SLC25A21: variants seen among roughly 807,000 people sequenced by gnomAD.
SLC25A21 encodes solute carrier family 25 member 21.
A neutral mutation model predicts 43.8 loss-of-function variants in SLC25A21; 47 were observed. The ratio of observed to expected loss-of-function variants is 1.07; its 90% confidence interval spans 0.85 to 1.37. The LOEUF (loss-of-function observed/expected upper bound fraction) is 1.37, where lower values mean the gene tolerates loss of function less well. Ranked by LOEUF, SLC25A21 falls within the 40% of genes most tolerant of loss-of-function variation. The probability of loss-of-function intolerance (pLI) is 0.00; values close to 1 mark genes in which losing one functional copy is unlikely to be tolerated. For missense variants in SLC25A21, 352 were observed against 350.2 expected (o/e 1.00, Z -0.04); for synonymous variants, 131 against 121.3 (o/e 1.08, Z -0.52).
At chr14:36,839,464 C>A (rs893445263) in intron 2 of SLC25A21, among the ~76,000 whole-genome samples, 1 of 152,214 alleles carries the variant, frequency 6.6e-6, no homozygotes, top group African/African-American at 2.4e-5. Flanking sequence ...AATTAACTTT[C>A]CTATAGTTCG....
intron 1 of SLC25A21, among the ~76,000 whole-genome samples, chr14:37,166,528 T>A (rs7156775): frequency 0.4 from 60,605 of 152,124 alleles, 13,409 homozygotes; most frequent in African/African-American, 0.6. Context: ...TGGGGATTAT[T>A]ATAGTGCTTG....
At chr14:37,114,218 T>C (rs1267111505) in intron 1 of SLC25A21, among the ~76,000 whole-genome samples, 3 of 152,196 alleles carry the variant, frequency 2.0e-5, no homozygotes, top group Non-Finnish European at 2.9e-5. Context: ...ATTTGTAAGC[T>C]GGAAAAGATA....
chr14:36,847,116 G>A (rs958228844), intron 2 of SLC25A21, among the ~76,000 whole-genome samples: 1 of 152,166 alleles, frequency 6.6e-6, no homozygotes, highest in South Asian at 2.1e-4. Context: ...TACATGATGA[G>A]TGCACCATAT....
intron 1 of SLC25A21, among the ~76,000 whole-genome samples, chr14:36,919,119 T>C (rs1891908920): frequency 6.6e-6 from 1 of 151,696 alleles, no homozygotes; most frequent in Non-Finnish European, 1.5e-5. Flanking sequence ...ATGAATGGTG[T>C]ATACTTATAA....
At chr14:37,071,244 G>C (rs1056602887) in intron 1 of SLC25A21, among the ~76,000 whole-genome samples, 7 of 152,164 alleles carry the variant, frequency 4.6e-5, no homozygotes, top group African/African-American at 1.7e-4. Flanking sequence ...TTTTAAAAAT[G>C]TTAAATTAAT....
intron 1 of SLC25A21, among the ~76,000 whole-genome samples, chr14:37,016,086 C>T (rs2138746442): frequency 6.6e-6 from 1 of 152,080 alleles, no homozygotes; most frequent in African/African-American, 2.4e-5. Flanking sequence ...GTTGCCATTG[C>T]TTTTGGTGTT....
rs765328076 is a variant in SLC25A21, at chr14:36,711,467, C to G, written c.454G>C (p.Gly152Arg). ...TTCTTAATGATTTGTCTTGCATAAC[C>G]CACAGTGGATGGTTGCTGCAGAAGA... ...NTFAEQPSTV[G>R]YARQIIKKEG... Residue 152 changes from glycine (G) to arginine (R), a missense_variant, in exon 7 of 10, where the codon GGT becomes CGT. Transcript: ENST00000331299. 6.2e-7 allele frequency: 1 copy of G among 1,613,802 alleles called. No homozygotes were observed. Among genetic ancestry groups the G allele is most frequent in the African/African-American group, 1.3e-5 (1 of 75,000 alleles).
chr14:36,740,580 G>A (rs1407680539), intron 3 of SLC25A21, among the ~76,000 whole-genome samples: 1 of 152,108 alleles, frequency 6.6e-6, no homozygotes, highest in Non-Finnish European at 1.5e-5. Context: ...TTGAAGTACA[G>A]ATTTCTGCCA....
chr14:36,708,926 T>C (rs893325280), intron 7 of SLC25A21, among the ~76,000 whole-genome samples: 6 of 151,366 alleles, frequency 4.0e-5, no homozygotes, highest in Non-Finnish European at 7.4e-5. Flanking sequence ...ATAACTTAAG[T>C]GTATTGATTA....
intron 2 of SLC25A21, among the ~76,000 whole-genome samples, chr14:36,824,279 C>T (rs712352): frequency 0.18 from 27,072 of 151,942 alleles, 2,794 homozygotes; most frequent in Middle Eastern, 0.25. Context: ...AGATACTAAG[C>T]TTGGCTAATA....
intron 3 of SLC25A21, among the ~76,000 whole-genome samples, chr14:36,738,795 G>A (rs563328100): frequency 2.6e-5 from 4 of 152,266 alleles, no homozygotes; most frequent in East Asian, 3.9e-4. Context: ...GTATTAGCTC[G>A]TATGTTTATG....
intron 3 of SLC25A21, among the ~76,000 whole-genome samples, chr14:36,764,074 A>AGG (rs1886274362): frequency 1.9e-5 from 1 of 52,246 alleles, no homozygotes; most frequent in African/African-American, 9.8e-5. Context: ...GAAAGAAAGA[A>AGG]AGAAAGAAGG....
Position 36,989,079 on chromosome 14 carries a change from G to A in SLC25A21, c.71-114075C>T, listed in dbSNP as rs78725444. Reference sequence around the variant, plus strand: ...TTTTAGAATTATCATATTTCATGTTGTATGTATATGCAGGATGAAAAAATC... The same window carrying A: ...TTTTAGAATTATCATATTTCATGTTATATGTATATGCAGGATGAAAAAATC... On this transcript the variant is annotated intron_variant, in intron 1 of 9. Coordinates refer to ENST00000331299, the MANE Select transcript of SLC25A21 (RefSeq NM_030631.4). 5.4e-3 allele frequency among the ~76,000 whole-genome samples: 827 copies of A among 152,272 alleles called. 5 individuals carry two copies. The highest frequency in any genetic ancestry group is 6.0e-3 in the Non-Finnish European group (410 of 68,022).
At chr14:36,753,580 T>C (rs1885797413) in intron 3 of SLC25A21, among the ~76,000 whole-genome samples, 1 of 152,176 alleles carries the variant, frequency 6.6e-6, no homozygotes, top group Non-Finnish European at 1.5e-5. Context: ...TAAAATTTAA[T>C]TGAAAAAATA....
intron 1 of SLC25A21, among the ~76,000 whole-genome samples, chr14:37,161,832 G>C (rs1963946140): frequency 6.6e-6 from 1 of 151,808 alleles, no homozygotes. Context: ...GCATGGTGGT[G>C]GGCACCTGTA....
At chr14:37,065,857 G>A (rs1962050291) in intron 1 of SLC25A21, among the ~76,000 whole-genome samples, 1 of 152,190 alleles carries the variant, frequency 6.6e-6, no homozygotes, top group Non-Finnish European at 1.5e-5. Context: ...ATGTGCCTTA[G>A]CAGATTTGAA....
chr14:36,808,248 A>G (rs1355136498), intron 3 of SLC25A21, among the ~76,000 whole-genome samples: 5 of 152,196 alleles, frequency 3.3e-5, no homozygotes, highest in African/African-American at 4.8e-5. Context: ...AATTTTTCAC[A>G]TAAGAGAGCT....
chr14:36,688,188 G>A (rs1044180404), intron 7 of SLC25A21, among the ~76,000 whole-genome samples: 1 of 152,088 alleles, frequency 6.6e-6, no homozygotes, highest in African/African-American at 2.4e-5. Flanking sequence ...CAATCTCACT[G>A]CCCTTTAAGG....
At chr14:37,086,772 G>A (rs568607492) in intron 1 of SLC25A21, among the ~76,000 whole-genome samples, 27 of 152,192 alleles carry the variant, frequency 1.8e-4, no homozygotes, top group African/African-American at 5.5e-4. Flanking sequence ...CTTGTTACAC[G>A]GAACACTACC....
Sources: allele counts gnomAD v4.1 joint callset (sites outside exome capture counted in the v4.1 genomes callset), GRCh38; gene constraint gnomAD v4.1.1; transcripts MANE v1.5; gene names NCBI Gene and HGNC (gene_info 2026-07-23, HGNC 2026-07-21).